Variants in LNX1 observed in about 807,000 individuals in gnomAD.
LNX1 encodes ligand of numb-protein X 1.
In LNX1, 54 loss-of-function variants were observed where a neutral mutation model predicts 68.4. That is an observed-to-expected ratio of 0.79 (90% CI 0.63 to 0.99). LNX1 has a LOEUF of 0.99. Ranked by LOEUF, LNX1 falls within the 50% of genes least tolerant of loss-of-function variation. LNX1 has a pLI of 0.00. For missense variants in LNX1, 906 were observed against 926.4 expected (o/e 0.98, Z 0.29); for synonymous variants, 336 against 350.0 (o/e 0.96, Z 0.45).
chr4:53,520,038 T>C (rs1335288325), intron 2 of LNX1, among the ~76,000 whole-genome samples: 1 of 152,220 alleles, frequency 6.6e-6, no homozygotes, highest in African/African-American at 2.4e-5. Context: ...TGCATCTTTT[T>C]CCTTTGTGGA....
intron 2 of LNX1, among the ~76,000 whole-genome samples, chr4:53,558,827 T>G (rs1016692469): frequency 1.1e-4 from 16 of 152,152 alleles, no homozygotes; most frequent in African/African-American, 3.4e-4. Flanking sequence ...TCACCTTACC[T>G]TTGAAATGGA....
intron 1 of LNX1, among the ~76,000 whole-genome samples, chr4:53,625,961 C>T (rs1436405799): frequency 5.3e-5 from 8 of 151,604 alleles, no homozygotes; most frequent in Non-Finnish European, 1.2e-4. Flanking sequence ...ACATTCTTCA[C>T]AATAGGCAAG....
chr4:53,552,014 A>T (rs1045095087), intron 2 of LNX1, among the ~76,000 whole-genome samples: 2 of 152,228 alleles, frequency 1.3e-5, no homozygotes, highest in African/African-American at 4.8e-5. Context: ...TACTATCTCT[A>T]TAGGGATAAG....
chr4:53,560,253 T>G (rs978690401), intron 2 of LNX1, among the ~76,000 whole-genome samples: 1 of 152,230 alleles, frequency 6.6e-6, no homozygotes, highest in Admixed American at 6.5e-5. Flanking sequence ...ATCTTGGACA[T>G]GTCAGATTGC....
At chr4:53,488,337 C>A (rs545868039) in intron 6 of LNX1, among the ~76,000 whole-genome samples, 1 of 152,336 alleles carries the variant, frequency 6.6e-6, no homozygotes, top group East Asian at 1.9e-4. Context: ...TTCCCTGTGA[C>A]AATCCTATTT....
At chr4:53,507,965 A>T (rs1325675717) in intron 3 of LNX1, 21 bp downstream of exon 3, 1 of 1,602,694 alleles carries the variant, frequency 6.2e-7, no homozygotes, top group Admixed American at 1.7e-5. Flanking sequence ...CCATTCCCGG[A>T]CAACCACCCA....
chr4:53,651,932 G>T (rs1174349836), intron 1 of LNX1, among the ~76,000 whole-genome samples: 1 of 152,054 alleles, frequency 6.6e-6, no homozygotes, highest in African/African-American at 2.4e-5. Context: ...TATAAAGAGC[G>T]CAAATGCCCT....
chr4:53,615,511 G>C (rs1274840386), intron 2 of LNX1, among the ~76,000 whole-genome samples: 1 of 152,168 alleles, frequency 6.6e-6, no homozygotes, highest in Admixed American at 6.5e-5. Flanking sequence ...TGAGGCTCTA[G>C]CCAATCGCCA....
chr4:53,556,335 C>A (rs1428859147), intron 2 of LNX1, among the ~76,000 whole-genome samples: 2 of 152,176 alleles, frequency 1.3e-5, no homozygotes, highest in Non-Finnish European at 2.9e-5. Context: ...TCATAGGGAG[C>A]ATGACCTTGC....
At chr4:53,492,334 G>A (rs62323589) in intron 6 of LNX1, among the ~76,000 whole-genome samples, 18,164 of 152,152 alleles carry the variant, frequency 0.12, 1,175 homozygotes, top group East Asian at 0.16. Flanking sequence ...AATGCTTGAA[G>A]AGCACCAAGA....
intron 1 of LNX1, among the ~76,000 whole-genome samples, chr4:53,582,010 C>T (rs1567654): frequency 0.3 from 45,248 of 151,872 alleles, 7,168 homozygotes; most frequent in African/African-American, 0.41. Context: ...CTGAATTTTT[C>T]TGCACCTTAA....
At chr4:53,462,762 T>C (rs1356727864) in intron 9 of LNX1, among the ~76,000 whole-genome samples, 1 of 152,166 alleles carries the variant, frequency 6.6e-6, no homozygotes, top group African/African-American at 2.4e-5. Context: ...ACACATCATC[T>C]ATAACAATTT....
intron 2 of LNX1, among the ~76,000 whole-genome samples, chr4:53,567,121 A>T (rs1349318718): frequency 1.4e-5 from 2 of 142,714 alleles, no homozygotes; most frequent in Admixed American, 1.4e-4. Context: ...CCAGGAATTG[A>T]ACTCAGCTCT....
intron 1 of LNX1, among the ~76,000 whole-genome samples, chr4:53,590,084 C>T (rs1321314980): frequency 6.6e-6 from 1 of 152,098 alleles, no homozygotes; most frequent in Non-Finnish European, 1.5e-5. Context: ...AACCCCCCCC[C>T]TTAAACTCAC....
intron 1 of LNX1, among the ~76,000 whole-genome samples, chr4:53,644,603 C>G (rs1356914959): frequency 6.6e-6 from 1 of 152,192 alleles, no homozygotes; most frequent in East Asian, 1.9e-4. Flanking sequence ...AGCTGGGACT[C>G]TCATAGCAAA....
intron 4 of LNX1, among the ~76,000 whole-genome samples, chr4:53,501,295 T>TC (rs1725460521): frequency 6.3e-5 from 2 of 31,976 alleles, no homozygotes; most frequent in Non-Finnish European, 1.3e-4. Context: ...TTTTTTTTTT[T>TC]TTTTGGGGGT....
rs1721433770 is a variant in LNX1 at position 53,459,735 on chromosome 4, A to G, written c.*1172T>C. On this transcript the variant is annotated 3_prime_UTR_variant, in exon 11 of 11. Transcript: ENST00000263925. ...CTAAAGAGCTGTGTTAGCTGTGTACATACACAGATTATCTGAGAAAAGGTC... is the reference window on the plus strand; with the variant it reads ...CTAAAGAGCTGTGTTAGCTGTGTACGTACACAGATTATCTGAGAAAAGGTC... 3 of 385,866 alleles carry G rather than the reference A, an allele frequency of 7.8e-6. No homozygotes were observed. Among genetic ancestry groups the G allele is most frequent in the Admixed American group, 4.3e-5 (1 of 23,250 alleles). 23.9% of individuals were successfully genotyped at this position (385,866 alleles called of 1,614,324 possible). A position where few individuals can be genotyped will look rare whatever the true frequency, so the allele number is the denominator to read the frequency against.
chr4:53,464,488 A>ATAAAAACTACGCATTGTTCATTT, intron 9 of LNX1, among the ~76,000 whole-genome samples: 1 of 151,520 alleles, frequency 6.6e-6, no homozygotes, highest in Non-Finnish European at 1.5e-5. Context: ...TCAACATGAA[A>ATAAAAACTACGCATTGTTCATTT]AAGATGTTTA....
At chr4:53,613,503 C>A (rs534084047) in intron 2 of LNX1, among the ~76,000 whole-genome samples, 1 of 152,102 alleles carries the variant, frequency 6.6e-6, no homozygotes, top group African/African-American at 2.4e-5. Context: ...TGATCCTCTC[C>A]GTCCTCCACC....
Sources: allele counts gnomAD v4.1 joint callset (sites outside exome capture counted in the v4.1 genomes callset), GRCh38; gene constraint gnomAD v4.1.1; transcripts MANE v1.5; gene names NCBI Gene and HGNC (gene_info 2026-07-23, HGNC 2026-07-21).